The following SLC44A3 variants were observed in gnomAD, a reference collection of about 807,000 sequenced individuals.
SLC44A3 encodes choline transporter-like protein 3.
A neutral mutation model predicts 75.4 loss-of-function variants in SLC44A3; 74 were observed. The observed-to-expected ratio is 0.98, with a 90% CI of 0.81 to 1.19. The LOEUF (loss-of-function observed/expected upper bound fraction) is 1.19, where lower values mean the gene tolerates loss of function less well. SLC44A3 is among the 50% of genes most tolerant of loss of function. The pLI, the probability that SLC44A3 is intolerant of heterozygous loss-of-function variation, is 0.00. For missense variants in SLC44A3, 700 were observed against 778.6 expected, an observed-to-expected ratio of 0.90 and a Z score of 1.20; for synonymous variants, 310 against 296.9, an observed-to-expected ratio of 1.04 and a Z score of -0.45.
At chr1:94,883,163 T>C (rs1427560669) in intron 12 of SLC44A3, among the ~76,000 whole-genome samples, 2 of 151,178 alleles carry the variant, frequency 1.3e-5, no homozygotes, top group Non-Finnish European at 3.0e-5. Context: ...AGCAGGTGTG[T>C]GAAGGGGCAG....
chr1:94,864,354 G>A (rs771732532), intron 10 of SLC44A3, among the ~76,000 whole-genome samples: 1 of 152,094 alleles, frequency 6.6e-6, no homozygotes, highest in Non-Finnish European at 1.5e-5. Context: ...TAATCACCAG[G>A]TGAATGCTGG....
intron 14 of SLC44A3, among the ~76,000 whole-genome samples, chr1:94,893,307 A>AT (rs1298948768): frequency 2.0e-5 from 3 of 152,168 alleles, no homozygotes; most frequent in Non-Finnish European, 4.4e-5. Flanking sequence ...CAGGCACTCA[A>AT]TTTTTTAAGA....
chr1:94,841,964 G>A lies in SLC44A3; in HGVS notation c.761-36G>A, dbSNP rs200326649. 2.1e-5 allele frequency: 33 copies of A among 1,579,892 alleles called. No individual in the cohort carries two copies. In the African/African-American group the frequency reaches 2.2e-4, roughly 10 times the overall value. On this transcript the variant is annotated intron_variant, in intron 7 of 14. Transcript: ENST00000271227. ...TGCTGGGGAAAGGTTACCTCATGGC[G>A]TGTGCCCTGAGCTCTGCTACTGTTC...
intron 12 of SLC44A3, among the ~76,000 whole-genome samples, chr1:94,881,719 C>T (rs1201948154): frequency 2.1e-5 from 3 of 145,882 alleles, no homozygotes; most frequent in South Asian, 2.2e-4. Context: ...AAAAAAAGAA[C>T]CAATATTCTG....
chr1:94,887,143 C>T (rs957502525), intron 12 of SLC44A3, among the ~76,000 whole-genome samples: 11 of 152,026 alleles, frequency 7.2e-5, no homozygotes, highest in Admixed American at 5.2e-4. Flanking sequence ...TACCTTGGCA[C>T]GTTAATCCTG....
chr1:94,826,443 G>A (rs1661352258), intron 3 of SLC44A3, among the ~76,000 whole-genome samples: 1 of 152,172 alleles, frequency 6.6e-6, no homozygotes. Flanking sequence ...ACAGGGTCAG[G>A]AGTTCAAGAC....
intron 2 of SLC44A3, 21 bp from the exon 3 acceptor site, chr1:94,824,472 A>G (rs1571146976): frequency 2.5e-6 from 4 of 1,580,224 alleles, no homozygotes; most frequent in Non-Finnish European, 3.4e-6. Flanking sequence ...CCAGGCTCTC[A>G]TATGCCCCCG....
chr1:94,840,473 A>G (rs1663472777), intron 7 of SLC44A3, among the ~76,000 whole-genome samples: 1 of 151,158 alleles, frequency 6.6e-6, no homozygotes, highest in Admixed American at 6.6e-5. Flanking sequence ...TATTTTTTGT[A>G]GAGACGGGGT....
intron 11 of SLC44A3, among the ~76,000 whole-genome samples, chr1:94,865,160 A>G (rs1403656173): frequency 6.6e-6 from 1 of 152,060 alleles, no homozygotes; most frequent in African/African-American, 2.4e-5. Context: ...AGTAGTTCTG[A>G]GTTAGCTGAT....
chr1:94,842,089 G>C lies in SLC44A3; in HGVS notation c.850G>C (p.Val284Leu), dbSNP rs764342737. 5 of 1,612,884 alleles carry C rather than the reference G, an allele frequency of 3.1e-6. No individual in the cohort carries two copies. In the South Asian group the frequency reaches 3.3e-5, roughly 11 times the overall value. The change falls in exon 8 of 15, where the codon GTG becomes CTG. Residue 284 changes from valine (V) to leucine (L), a missense_variant. Transcript: ENST00000271227. ...LDTERENMKC[V>L]LGFAIVSTGI... ...CACAGAAAGGGAAAATATGAAGTGC[G>C]TGCTGGGGTTTGCTATCGTATCCAC...
intron 10 of SLC44A3, among the ~76,000 whole-genome samples, chr1:94,861,850 C>A (rs572879577): frequency 6.6e-6 from 1 of 152,226 alleles, no homozygotes; most frequent in East Asian, 1.9e-4. Context: ...AACTGAGAGC[C>A]ATAAAGGTGG....
intron 8 of SLC44A3, among the ~76,000 whole-genome samples, chr1:94,842,796 G>T (rs1557827281): frequency 6.6e-6 from 1 of 152,250 alleles, no homozygotes; most frequent in Non-Finnish European, 1.5e-5. Context: ...GTTCTGTGGA[G>T]CAGCTGCAGC....
rs996058204 is a variant in SLC44A3, at chr1:94,895,244, G to A, written c.*322G>A. ...TAATAAATAAACCTTTTTAAGATAAGGATTTTGTTAGCAGAAATCTCTGGA... is the reference window on the plus strand; with the variant it reads ...TAATAAATAAACCTTTTTAAGATAAAGATTTTGTTAGCAGAAATCTCTGGA... On this transcript the variant is annotated 3_prime_UTR_variant, in exon 15 of 15. Transcript: ENST00000271227. 5.5e-6 allele frequency: 1 copy of A among 181,910 alleles called. No individual in the cohort carries two copies. The highest frequency in any genetic ancestry group is 1.3e-4 in the East Asian group (1 of 7,516). 11.3% of individuals were successfully genotyped at this position (181,910 alleles called of 1,614,324 possible).
intron 11 of SLC44A3, 108 bp downstream of exon 11, chr1:94,865,007 G>C: frequency 8.2e-7 from 1 of 1,224,380 alleles, no homozygotes; most frequent in South Asian, 1.5e-5. Context: ...CTGTGACAGC[G>C]GGCCGTGCAG....
intron 12 of SLC44A3, among the ~76,000 whole-genome samples, chr1:94,877,773 T>A (rs1668454434): frequency 6.6e-6 from 1 of 152,136 alleles, no homozygotes; most frequent in Admixed American, 6.5e-5. Flanking sequence ...ACAGAATGCC[T>A]CAGTTGGCAT....
chr1:94,892,159 C>A, intron 13 of SLC44A3, 122 bp from the exon 14 acceptor site: 1 of 914,948 alleles, frequency 1.1e-6, no homozygotes, highest in Non-Finnish European at 1.7e-6. Flanking sequence ...GACAAGCATT[C>A]TTTACAATAG....
intron 4 of SLC44A3, among the ~76,000 whole-genome samples, chr1:94,828,288 T>C (rs892858457): frequency 1.3e-5 from 2 of 152,218 alleles, no homozygotes; most frequent in Admixed American, 1.3e-4. Flanking sequence ...ATATAACTTT[T>C]AGTTTTGAAT....
intron 3 of SLC44A3, among the ~76,000 whole-genome samples, chr1:94,825,431 A>G (rs1480856788): frequency 6.6e-6 from 1 of 152,138 alleles, no homozygotes; most frequent in Non-Finnish European, 1.5e-5. Context: ...CCCGGGTTCA[A>G]GAGATTCTCT....
intron 3 of SLC44A3, chr1:94,825,903 T>C (rs931933003): frequency 3.9e-5 from 18 of 456,126 alleles, no homozygotes; most frequent in Non-Finnish European, 7.5e-5. Flanking sequence ...TCACATTGTG[T>C]TCATAATGCA....
Sources: gnomAD v4.1 joint callset for allele counts (sites outside exome capture counted in the v4.1 genomes callset) on GRCh38, gnomAD v4.1.1 for gene constraint, MANE v1.5 for transcripts, NCBI Gene and HGNC (gene_info 2026-07-23, HGNC 2026-07-21) for gene names.